The following RAD51B variants were observed in gnomAD, a reference collection of about 807,000 sequenced individuals.
RAD51B encodes the protein RAD51 paralog B, also known as DNA repair protein RAD51 homolog 2.
A neutral mutation model predicts 42.2 loss-of-function variants in RAD51B; 38 were observed. The ratio of observed to expected loss-of-function variants is 0.90; its 90% CI spans 0.70 to 1.18. RAD51B has a LOEUF of 1.18. Ranked by LOEUF, RAD51B falls within the 50% of genes most tolerant of loss-of-function variation. The pLI, the probability that RAD51B is intolerant of heterozygous loss-of-function variation, is 0.00. For synonymous variants in RAD51B, 154 were observed against 145.2 expected (o/e 1.06, Z -0.43); for missense variants, 373 against 400.7 (o/e 0.93, Z 0.59).
intron 7 of RAD51B, among the ~76,000 whole-genome samples, chr14:67,891,690 A>T (rs192720656): frequency 1.2e-3 from 187 of 152,028 alleles, no homozygotes; most frequent in African/African-American, 4.0e-3. Context: ...CTGTTCCATT[A>T]TGCCAAGTGG....
intron 7 of RAD51B, among the ~76,000 whole-genome samples, chr14:68,089,812 G>C (rs182409708): frequency 6.6e-6 from 1 of 152,138 alleles, no homozygotes; most frequent in African/African-American, 2.4e-5. Flanking sequence ...GTAGTTTCTT[G>C]TAAGAGATGT....
intron 8 of RAD51B, among the ~76,000 whole-genome samples, chr14:68,322,235 C>A (rs2082170080): frequency 6.6e-6 from 1 of 152,118 alleles, no homozygotes; most frequent in Admixed American, 6.5e-5. Flanking sequence ...TTGAAGGGGT[C>A]CAAAATAAAT....
chr14:68,085,978 T>C (rs543969141), intron 7 of RAD51B, among the ~76,000 whole-genome samples: 210 of 152,296 alleles, frequency 1.4e-3, no homozygotes, highest in African/African-American at 4.9e-3. Flanking sequence ...AGTGCTCTTT[T>C]AGTTTTGCCG....
chr14:67,832,455 CTTTAACT>C (rs978037343), intron 3 of RAD51B, among the ~76,000 whole-genome samples: 3 of 135,658 alleles, frequency 2.2e-5, no homozygotes, highest in Admixed American at 2.1e-4. Flanking sequence ...GTTCTGTTTT[CTTTAACT>C]TTTTTTTTCA....
At chr14:68,107,047 C>G (rs922132159) in intron 7 of RAD51B, among the ~76,000 whole-genome samples, 1 of 151,844 alleles carries the variant, frequency 6.6e-6, no homozygotes, top group Non-Finnish European at 1.5e-5. Flanking sequence ...GTACTTTGCT[C>G]TGTTCTCCTG....
intron 7 of RAD51B, among the ~76,000 whole-genome samples, chr14:67,994,384 T>C (rs979862490): frequency 6.6e-6 from 1 of 152,328 alleles, no homozygotes; most frequent in Non-Finnish European, 1.5e-5. Context: ...GATAAATGAA[T>C]AGTTGAACAT....
chr14:68,146,783 T>A (rs2140752633), intron 7 of RAD51B, among the ~76,000 whole-genome samples: 2 of 152,294 alleles, frequency 1.3e-5, no homozygotes, highest in Non-Finnish European at 2.9e-5. Flanking sequence ...TAGGGTTTTT[T>A]TTAAATTGTT....
rs375255238 is a variant in RAD51B, at chr14:67,835,165, A to G, written c.284A>G (p.His95Arg). 7.4e-6 allele frequency: 12 copies of G among 1,613,862 alleles called. No homozygotes were observed. The East Asian group carries it at 1.6e-4, about 21-fold the overall frequency. The change falls in exon 4 of 11, where the codon CAT becomes CGT. Residue 95 changes from histidine to arginine, a missense_variant. Physicochemically the swap from His to Arg is conservative, Grantham distance 29. Transcript: ENST00000471583. ...CTTTCTGCTTTGGACGAAGCCCTGC[A>G]TGGTGGTGTGGCTTGTGGATCCCTC... ...TTLSALDEAL[H>R]GGVACGSLTE...
At chr14:67,960,895 T>C (rs7140987) in intron 7 of RAD51B, among the ~76,000 whole-genome samples, 9,117 of 151,948 alleles carry the variant, frequency 0.06, 645 homozygotes, top group African/African-American at 0.17. Flanking sequence ...TCTGGAACTC[T>C]TGGCCTCAAG....
chr14:68,582,713 T>C (rs553339469), intron 10 of RAD51B, among the ~76,000 whole-genome samples: 6 of 152,346 alleles, frequency 3.9e-5, no homozygotes, highest in East Asian at 1.9e-4. Context: ...CGTATGTTTA[T>C]TGTGGCACTG....
intron 7 of RAD51B, among the ~76,000 whole-genome samples, chr14:68,194,420 GTGAAAAT>G (rs1311930492): frequency 6.6e-6 from 1 of 152,154 alleles, no homozygotes; most frequent in Non-Finnish European, 1.5e-5. Flanking sequence ...CCTTGAGGGA[GTGAAAAT>G]TGAATAGACA....
chr14:68,548,698 C>T (rs61985778), intron 10 of RAD51B, among the ~76,000 whole-genome samples: 4,094 of 152,238 alleles, frequency 0.027, 65 homozygotes, highest in Non-Finnish European at 0.042. Context: ...GCAAGGAGGC[C>T]GGAAGTGTAG....
intron 7 of RAD51B, among the ~76,000 whole-genome samples, chr14:68,191,340 T>A (rs954687476): frequency 1.1e-4 from 17 of 152,156 alleles, no homozygotes; most frequent in African/African-American, 3.9e-4. Flanking sequence ...ATAACAGAGT[T>A]TGAAACCATT....
At chr14:68,127,186 C>T (rs1229941456) in intron 7 of RAD51B, among the ~76,000 whole-genome samples, 4 of 152,006 alleles carry the variant, frequency 2.6e-5, no homozygotes, top group Non-Finnish European at 5.9e-5. Context: ...GAGATTTTGT[C>T]TTATTTATTT....
chr14:68,093,406 ACTT>A (rs1270695450), intron 7 of RAD51B, among the ~76,000 whole-genome samples: 3 of 152,278 alleles, frequency 2.0e-5, no homozygotes, highest in Admixed American at 2.0e-4. Flanking sequence ...CAGAGATTCA[ACTT>A]CTTCCTGGTT....
chr14:68,240,199 G>A (rs891177077), intron 7 of RAD51B, among the ~76,000 whole-genome samples: 49 of 152,076 alleles, frequency 3.2e-4, no homozygotes, highest in African/African-American at 1.1e-3. Flanking sequence ...ACCTCATTGT[G>A]TCTATTTGGA....
chr14:68,280,757 A>G, intron 7 of RAD51B, among the ~76,000 whole-genome samples: 1 of 152,212 alleles, frequency 6.6e-6, no homozygotes, highest in East Asian at 1.9e-4. Flanking sequence ...TATTGATTCT[A>G]AAGTCAGGGT....
At chr14:68,670,742 T>A (rs537489633) in intron 11 of RAD51B, among the ~76,000 whole-genome samples, 1 of 152,222 alleles carries the variant, frequency 6.6e-6, no homozygotes, top group Non-Finnish European at 1.5e-5. Flanking sequence ...ATGGAAAAAC[T>A]TAAGTTTGCC....
At position 67,949,326 on chromosome 14, in the gene RAD51B, C is replaced by G. The variant is rs186234799; in HGVS notation, c.756+62122C>G. 2.6e-5 allele frequency among the ~76,000 whole-genome samples: 4 copies of G among 152,284 alleles called. No homozygotes were observed. The East Asian group carries it at 7.7e-4, about 29-fold the overall frequency. On this transcript the variant is annotated intron_variant, in intron 7 of 10. Coordinates refer to ENST00000471583, the MANE Select transcript of RAD51B (RefSeq NM_133510.4). ...CTAAATTTATGAAATATTCTAAATC[C>G]TTTGTTGTCATTTCAACAATGTTAT...
Sources: gnomAD v4.1 joint callset for allele counts (sites outside exome capture counted in the v4.1 genomes callset) on GRCh38, gnomAD v4.1.1 for gene constraint, MANE v1.5 for transcripts, NCBI Gene and HGNC (gene_info 2026-07-23, HGNC 2026-07-21) for gene names.